Variants in ICAM1 observed in about 807,000 individuals in gnomAD.
The protein encoded by ICAM1 is ICAM-1.
A neutral mutation model predicts 42.3 loss-of-function variants in ICAM1; 28 were observed. The observed-to-expected ratio is 0.66, with a 90% CI of 0.49 to 0.91. The LOEUF (loss-of-function observed/expected upper bound fraction) is 0.91, where lower values mean the gene tolerates loss of function less well. ICAM1 is among the 40% of genes least tolerant of loss of function. The pLI, the probability that ICAM1 is intolerant of heterozygous loss-of-function variation, is 0.00. For synonymous variants in ICAM1, 304 were observed against 305.9 expected, an observed-to-expected ratio of 0.99 and a Z score of 0.07; for missense variants, 637 against 688.6, an observed-to-expected ratio of 0.93 and a Z score of 0.84.
intron 1 of ICAM1, among the ~76,000 whole-genome samples, chr19:10,271,740 C>G (rs1458329964): frequency 6.6e-6 from 1 of 152,054 alleles, no homozygotes; most frequent in African/African-American, 2.4e-5. Flanking sequence ...GGGACCCCCA[C>G]CCCCCTCAAG....
At chr19:10,274,734 T>C in intron 1 of ICAM1, 31 bp from the exon 2 acceptor site, 4 of 1,602,004 alleles carry the variant, frequency 2.5e-6, no homozygotes, top group Non-Finnish European at 3.4e-6. Flanking sequence ...TGATTTGTAA[T>C]GCCTGTCGCC....
chr19:10,280,749 A>G (rs1348781303), intron 2 of ICAM1, among the ~76,000 whole-genome samples: 2 of 151,312 alleles, frequency 1.3e-5, no homozygotes, highest in African/African-American at 2.4e-5. Flanking sequence ...TTGTATTTTT[A>G]GTAAAGACAG....
At chr19:10,271,860 C>T (rs1331190852) in intron 1 of ICAM1, among the ~76,000 whole-genome samples, 1 of 151,962 alleles carries the variant, frequency 6.6e-6, no homozygotes, top group African/African-American at 2.4e-5. Context: ...AGAAGTGGGA[C>T]GCCCCAGCAC....
Position 10,284,163 on chromosome 19 carries a change from C to T in ICAM1, c.768C>T (p.Asp256=). The T allele has an allele frequency of 6.2e-7, 1 of 1,614,060 alleles. No homozygotes were observed. ...SEAQVHLALG[D]QRLNPTVTYG... ...CCCAGGTCCACCTGGCACTGGGGGA[C>T]CAGAGGTTGAACCCCACAGTCACCT... The change falls in exon 4 of 7, where the codon GAC becomes GAT. Residue 256 remains aspartate, a synonymous_variant. Transcript: ENST00000264832. The surrounding 1 kb of genome is among the most constrained non-coding windows in gnomAD (Gnocchi z 5.4).
chr19:10,272,923 A>G (rs1196754772), intron 1 of ICAM1, among the ~76,000 whole-genome samples: 1 of 152,060 alleles, frequency 6.6e-6, no homozygotes, highest in African/African-American at 2.4e-5. Flanking sequence ...TGGGGTGGCT[A>G]TACTCACCCA....
intron 2 of ICAM1, among the ~76,000 whole-genome samples, chr19:10,278,363 A>C (rs73510875): frequency 6.6e-6 from 1 of 151,972 alleles, no homozygotes; most frequent in South Asian, 2.1e-4. Context: ...TTCTCCTATC[A>C]TTGTGTCAGG....
At chr19:10,283,068 G>A in intron 2 of ICAM1, 1 of 158,238 alleles carries the variant, frequency 6.3e-6, no homozygotes. Context: ...ACCTGGTGTG[G>A]TGGTGTGTGC....
rs2040006533 is a variant in ICAM1 at position 10,274,950 on chromosome 19, C to T, written c.253C>T (p.Gln85Ter). 1 of 1,614,228 alleles carries T rather than the reference C, an allele frequency of 6.2e-7. No homozygotes were observed. Among genetic ancestry groups the T allele is most frequent in the East Asian group, 2.2e-5 (1 of 44,886 alleles). ...NRKVYELSNV[Q>*]EDSQPMCYSN... ...GAAGGTGTATGAACTGAGCAATGTG[C>T]AAGAAGATAGCCAACCAATGTGCTA... The change falls in exon 2 of 7, where the codon CAA (glutamine) becomes TAA (stop). Residue 85 changes from glutamine to a stop codon, truncating the protein, a stop_gained. Coordinates refer to ENST00000264832, the MANE Select transcript of ICAM1 (RefSeq NM_000201.3). LOFTEE classifies it high-confidence loss of function.
In ICAM1 at chr19:10,283,671, G is replaced by A. The variant is rs1427713860; in HGVS notation, c.522G>A (p.Leu174=). The A allele has an allele frequency of 2.5e-6, 4 of 1,613,878 alleles. No homozygotes were observed. Among genetic ancestry groups the A allele is most frequent in the African/African-American group, 2.7e-5 (2 of 74,928 alleles). ...CCGCTGAGGTCACGACCACGGTGCT[G>A]GTGAGGAGAGATCACCATGGAGCCA... ...GEPAEVTTTV[L]VRRDHHGANF... is the part of the protein sequence containing the mutation. The change falls in exon 3 of 7, where the codon CTG becomes CTA. Residue 174 remains leucine (L), a synonymous_variant. Coordinates refer to ENST00000264832, the MANE Select transcript of ICAM1 (RefSeq NM_000201.3).
intron 1 of ICAM1, among the ~76,000 whole-genome samples, 175 bp from the exon 2 acceptor site, chr19:10,274,590 C>T (rs2040003645): frequency 6.6e-6 from 1 of 152,202 alleles, no homozygotes; most frequent in Admixed American, 6.5e-5. Flanking sequence ...GCTGGGATTA[C>T]AGGCGTGAGC....
chr19:10,284,746 C>T lies in ICAM1; in HGVS notation c.1181-37C>T. 2 of 1,607,076 alleles carry T rather than the reference C, an allele frequency of 1.2e-6. No homozygotes were observed. Among genetic ancestry groups the T allele is most frequent in the Non-Finnish European group, 1.7e-6 (2 of 1,178,084 alleles). On this transcript the variant is annotated intron_variant, in intron 5 of 6. Transcript: ENST00000264832. The surrounding 1 kb of genome is among the most constrained non-coding windows in gnomAD (Gnocchi z 5.4). ...AAGGTCTTGCCTCCAAGTCCTGCCCCCACCCACCTCCATGTCATCTCATCG... is the reference window on the plus strand; with the variant it reads ...AAGGTCTTGCCTCCAAGTCCTGCCCTCACCCACCTCCATGTCATCTCATCG...
chr19:10,285,093 G>C, intron 6 of ICAM1, 22 bp from the exon 7 acceptor site: 1 of 1,613,728 alleles, frequency 6.2e-7, no homozygotes, highest in African/African-American at 1.3e-5. Flanking sequence ...AATCCTCACC[G>C]CCTGTTGTAT....
chr19:10,274,672 G>T, intron 1 of ICAM1, 93 bp from the exon 2 acceptor site: 2 of 1,393,942 alleles, frequency 1.4e-6, no homozygotes, highest in African/African-American at 1.4e-5. Context: ...TCTTGTTAAG[G>T]CTGTGCCTCC....
At chr19:10,278,812 G>T (rs1365006076) in intron 2 of ICAM1, among the ~76,000 whole-genome samples, 1 of 152,068 alleles carries the variant, frequency 6.6e-6, no homozygotes, top group African/African-American at 2.4e-5. Flanking sequence ...GAAGTGCTGG[G>T]ATTACAGGCT....
chr19:10,273,145 G>T (rs1416470305), intron 1 of ICAM1, among the ~76,000 whole-genome samples: 1 of 152,118 alleles, frequency 6.6e-6, no homozygotes, highest in African/African-American at 2.4e-5. Context: ...GATCACTTGA[G>T]GCCAGGAGTT....
At chr19:10,281,158 C>T (rs748035643) in intron 2 of ICAM1, among the ~76,000 whole-genome samples, 3 of 152,012 alleles carry the variant, frequency 2.0e-5, no homozygotes, top group South Asian at 2.1e-4. Flanking sequence ...CAGGCGTGAG[C>T]CACCATGTCT....
At position 10,285,388 on chromosome 19, in the gene ICAM1, C is replaced by A; in HGVS notation, c.*101C>A. 1 of 1,187,396 alleles carries A rather than the reference C, an allele frequency of 8.4e-7. No individual in the cohort carries two copies. Among genetic ancestry groups the A allele is most frequent in the Non-Finnish European group, 1.2e-6 (1 of 840,824 alleles). 73.6% of individuals were successfully genotyped at this position (1,187,396 alleles called of 1,614,324 possible). ...GACATATGCCATGCAGCTACACCTA[C>A]CGGCCCTGGGACGCCGGAGGACAGG... On this transcript the variant is annotated 3_prime_UTR_variant, in exon 7 of 7. Transcript: ENST00000264832.
intron 2 of ICAM1, among the ~76,000 whole-genome samples, chr19:10,281,288 A>ATT (rs1252607018): frequency 1.4e-4 from 19 of 135,920 alleles, no homozygotes; most frequent in South Asian, 2.3e-4. Context: ...CTTGTTTTTA[A>ATT]TTTTTTTTTT....
At chr19:10,280,988 C>T (rs377180693) in intron 2 of ICAM1, among the ~76,000 whole-genome samples, 3 of 150,504 alleles carry the variant, frequency 2.0e-5, no homozygotes, top group East Asian at 2.0e-4. Flanking sequence ...ATCCTCCTGC[C>T]TTAGCCTCCT....
Sources: gnomAD v4.1 joint callset for allele counts (sites outside exome capture counted in the v4.1 genomes callset) on GRCh38, gnomAD v4.1.1 for gene constraint, Gnocchi (gnomAD v3.1) non-coding constraint, MANE v1.5 for transcripts, NCBI Gene and HGNC (gene_info 2026-07-23, HGNC 2026-07-21) for gene names.